Variants in KIF26B observed in about 807,000 individuals in gnomAD.
KIF26B encodes the protein kinesin family member 26B.
KIF26B carries 63 observed loss-of-function variants against 151.2 expected under a neutral mutation model. That is an observed-to-expected ratio of 0.42 (90% CI 0.34 to 0.51). KIF26B has a LOEUF of 0.51. Among genes scored for constraint, KIF26B ranks in the 20% least tolerant of loss-of-function variants. The pLI is 0.07. For synonymous variants in KIF26B, 1,357 were observed against 1,262.1 expected (o/e 1.08, Z -1.59); for missense variants, 2,813 against 2,913.6 (o/e 0.97, Z 0.79).
rs13376226 is a variant in KIF26B at position 245,543,162 on chromosome 1, C to A, written c.1350+2212C>A. Among the ~76,000 whole-genome samples, 1,333 of 152,254 alleles carry A rather than the reference C, an allele frequency of 8.8e-3. 15 individuals are homozygous for A. The highest frequency in any genetic ancestry group is 0.031 in the African/African-American group (1,274 of 41,540). ...ACCTCTCCCCCTCTATCCCTAATGA[C>A]CTCCCTGGAATTCTGAGACAAGGAC... On this transcript the variant is annotated intron_variant, in intron 5 of 14. Transcript: ENST00000407071.
rs187779080 is a variant in KIF26B at position 245,701,745 on chromosome 1, C to T, written c.6179-713C>T. Among the ~76,000 whole-genome samples the T allele has an allele frequency of 8.5e-5, 13 of 152,318 alleles. No individual in the cohort carries two copies. In the East Asian group the frequency reaches 2.1e-3, roughly 25 times the overall value. On this transcript the variant is annotated intron_variant, in intron 14 of 14. Coordinates refer to ENST00000407071, the MANE Select transcript of KIF26B (RefSeq NM_018012.4). ...CAGCAGAGGTGGAGGTCCCAGAGCT[C>T]GTCTCTTCAGAGCTTGTCTCGTGCC...
chr1:245,421,420 G>A (rs1015496957), intron 4 of KIF26B, among the ~76,000 whole-genome samples: 7 of 152,140 alleles, frequency 4.6e-5, no homozygotes, highest in South Asian at 2.1e-4. Flanking sequence ...GCTAAATAAC[G>A]AGGGAGGAGA....
At chr1:245,205,605 C>A (rs914655345) in intron 2 of KIF26B, among the ~76,000 whole-genome samples, 3 of 152,154 alleles carry the variant, frequency 2.0e-5, no homozygotes, top group Non-Finnish European at 4.4e-5. Flanking sequence ...GCAACCAAAT[C>A]TTCCTGTGTA....
intron 5 of KIF26B, among the ~76,000 whole-genome samples, chr1:245,598,637 CTG>C (rs2043359141): frequency 1.3e-5 from 2 of 152,010 alleles, no homozygotes; most frequent in South Asian, 2.1e-4. Context: ...GATGGAGTGT[CTG>C]TGCAGTTTGG....
chr1:245,264,797 G>C (rs1249427687), intron 2 of KIF26B, among the ~76,000 whole-genome samples: 1 of 151,732 alleles, frequency 6.6e-6, no homozygotes, highest in Non-Finnish European at 1.5e-5. Context: ...AGAGGCTGAC[G>C]TAGGAGAATG....
chr1:245,417,831 G>A (rs954777593), intron 3 of KIF26B, among the ~76,000 whole-genome samples: 2 of 152,174 alleles, frequency 1.3e-5, no homozygotes, highest in Admixed American at 6.5e-5. Flanking sequence ...GGCTTTGCAG[G>A]GCACCTGCAG....
At chr1:245,528,985 G>A (rs1016898555) in intron 4 of KIF26B, among the ~76,000 whole-genome samples, 1 of 152,186 alleles carries the variant, frequency 6.6e-6, no homozygotes, top group Non-Finnish European at 1.5e-5. Flanking sequence ...TGCCCACAGA[G>A]TGTGGCACCA....
intron 3 of KIF26B, among the ~76,000 whole-genome samples, chr1:245,400,487 A>AG (rs140149971): frequency 0.15 from 16,126 of 108,368 alleles, 1,507 homozygotes; most frequent in African/African-American, 0.29. Flanking sequence ...ATAGATAGTG[A>AG]GTTTTTTTTT....
intron 3 of KIF26B, among the ~76,000 whole-genome samples, chr1:245,378,233 C>G (rs921447973): frequency 2.0e-5 from 3 of 151,772 alleles, no homozygotes; most frequent in Non-Finnish European, 4.4e-5. Context: ...AGGCTAGAAA[C>G]AGCAGGTAAG....
At position 245,301,767 on chromosome 1, in the gene KIF26B, G is replaced by A. The variant is rs117859600; in HGVS notation, c.466-65067G>A. 2.4e-4 allele frequency among the ~76,000 whole-genome samples: 36 copies of A among 152,286 alleles called. No individual in the cohort carries two copies. In the East Asian group the frequency reaches 5.0e-3, roughly 21 times the overall value. On this transcript the variant is annotated intron_variant, in intron 2 of 14. Coordinates refer to ENST00000407071, the MANE Select transcript of KIF26B (RefSeq NM_018012.4). ...AAGCTTAACAGCCTGTGGGTGAACC[G>A]CAAAAGCTCAATTGGATCTCAAAGA...
intron 2 of KIF26B, among the ~76,000 whole-genome samples, chr1:245,273,424 A>AT (rs1670885954): frequency 6.6e-6 from 1 of 151,672 alleles, no homozygotes; most frequent in South Asian, 2.1e-4. Context: ...CTCAAAAAAA[A>AT]AAAAAAAAAA....
At chr1:245,349,495 C>A (rs1672521073) in intron 2 of KIF26B, among the ~76,000 whole-genome samples, 1 of 150,678 alleles carries the variant, frequency 6.6e-6, no homozygotes, top group Admixed American at 6.6e-5. Flanking sequence ...TTACCACATC[C>A]CTAAACCTAT....
At chr1:245,480,277 G>T (rs113764510) in intron 4 of KIF26B, among the ~76,000 whole-genome samples, 6 of 150,420 alleles carry the variant, frequency 4.0e-5, no homozygotes, top group African/African-American at 9.7e-5. Flanking sequence ...CCTGTCTCGG[G>T]GGGGAGGAAA....
chr1:245,174,657 C>T (rs1021777858), intron 2 of KIF26B, among the ~76,000 whole-genome samples: 4 of 152,146 alleles, frequency 2.6e-5, no homozygotes, highest in Admixed American at 6.5e-5. Flanking sequence ...CAGGCATGTG[C>T]CACCACACCT....
chr1:245,222,614 CT>C (rs1669796883), intron 2 of KIF26B, among the ~76,000 whole-genome samples: 1 of 152,082 alleles, frequency 6.6e-6, no homozygotes, highest in African/African-American at 2.4e-5. Context: ...ATAAATGAGC[CT>C]GAGGTTGAAT....
At chr1:245,156,717 C>T in intron 2 of KIF26B, 34 bp downstream of exon 2, 2 of 1,350,228 alleles carry the variant, frequency 1.5e-6, no homozygotes, top group Non-Finnish European at 1.9e-6. Flanking sequence ...GGGGAGGCGC[C>T]GGGAGGGCGG....
intron 2 of KIF26B, among the ~76,000 whole-genome samples, chr1:245,243,148 A>G (rs535217343): frequency 6.6e-6 from 1 of 152,266 alleles, no homozygotes; most frequent in Non-Finnish European, 1.5e-5. Context: ...TTATCACCAA[A>G]TTGCTCTCCA....
At chr1:245,613,679 A>G (rs947102) in intron 9 of KIF26B, among the ~76,000 whole-genome samples, 3,872 of 152,274 alleles carry the variant, frequency 0.025, 80 homozygotes, top group Admixed American at 0.072. Flanking sequence ...TCGTGGCTCA[A>G]AAGACCTGGA....
intron 4 of KIF26B, among the ~76,000 whole-genome samples, chr1:245,439,800 A>G (rs1659023912): frequency 6.6e-6 from 1 of 152,234 alleles, no homozygotes; most frequent in African/African-American, 2.4e-5. Flanking sequence ...ATTCAGCCTA[A>G]GATCACCAGG....
Sources: allele counts gnomAD v4.1 joint callset (sites outside exome capture counted in the v4.1 genomes callset), GRCh38; gene constraint gnomAD v4.1.1; transcripts MANE v1.5; gene names NCBI Gene and HGNC (gene_info 2026-07-23, HGNC 2026-07-21).